The following KCNN3 variants were observed in gnomAD, a reference collection of about 807,000 sequenced individuals.
KCNN3 encodes the protein potassium calcium-activated channel subfamily N member 3, also known as small conductance calcium-activated potassium channel protein 3.
In KCNN3, 16 loss-of-function variants were observed where a neutral mutation model predicts 62.9. The ratio of observed to expected loss-of-function variants is 0.25; its 90% CI spans 0.17 to 0.39. The LOEUF (loss-of-function observed/expected upper bound fraction) is 0.39, where lower values mean the gene tolerates loss of function less well. Ranked by LOEUF, KCNN3 falls within the 10% of genes least tolerant of loss-of-function variation. The probability of loss-of-function intolerance (pLI) is 1.00; values close to 1 mark genes in which losing one functional copy is unlikely to be tolerated. For synonymous variants in KCNN3, 370 were observed against 389.2 expected, an observed-to-expected ratio of 0.95 and a Z score of 0.58; for missense variants, 599 against 949.4, an observed-to-expected ratio of 0.63 and a Z score of 4.85.
intron 3 of KCNN3, among the ~76,000 whole-genome samples, chr1:154,759,138 A>G (rs1647883603): frequency 6.6e-6 from 1 of 152,186 alleles, no homozygotes; most frequent in African/African-American, 2.4e-5. Context: ...AAACCCTTCT[A>G]GCAGCTGCGC....
intron 2 of KCNN3, among the ~76,000 whole-genome samples, chr1:154,777,647 TC>T (rs1232632090): frequency 6.6e-6 from 1 of 152,196 alleles, no homozygotes; most frequent in Non-Finnish European, 1.5e-5. Context: ...CCAGAGGGGC[TC>T]GGGGAGTGTG....
In KCNN3 at chr1:154,772,073, G is replaced by A. The variant is rs1557967961; in HGVS notation, c.1350C>T (p.Val450=). 6.2e-7 allele frequency: 1 copy of A among 1,614,180 alleles called. No homozygotes were observed. Among genetic ancestry groups the A allele is most frequent in the Non-Finnish European group, 8.5e-7 (1 of 1,180,032 alleles). ...LNKINFNTRF[V]MKTLMTICPG... The stretch of plus-strand genomic sequence containing the variant: ...GGCAGATGGTCATGAGCGTCTTCAT[G>A]ACAAAGCGGGTGTTGAAGTTGATCT... Residue 450 remains valine (V), a synonymous_variant, in exon 3 of 8, where the codon GTC becomes GTT. Transcript: ENST00000271915. This position sits in a 1 kb window ranked among gnomAD's most constrained non-coding sequence, Gnocchi z 5.6.
At chr1:154,822,358 T>C (rs762068109) in intron 1 of KCNN3, among the ~76,000 whole-genome samples, 174 bp from the exon 2 acceptor site, 1 of 152,220 alleles carries the variant, frequency 6.6e-6, no homozygotes, top group Non-Finnish European at 1.5e-5. Context: ...CCTTGGGCTG[T>C]GCCCGGGCCG....
rs1212882121 is a variant in KCNN3, at chr1:154,732,995, G to A, written c.1590+8C>T. The A allele has an allele frequency of 1.2e-6, 2 of 1,613,848 alleles. No homozygotes were observed. The highest frequency in any genetic ancestry group is 2.7e-5 in the African/African-American group (2 of 74,908). On this transcript the variant is annotated splice_region_variant and intron_variant, in intron 4 of 7. Transcript: ENST00000271915. ...AAGGGTAGGGAATGGGGAGAGGCGG[G>A]TACTCACCATGATGCCAGTGAGGAG...
intron 3 of KCNN3, among the ~76,000 whole-genome samples, chr1:154,747,814 G>A (rs904994336): frequency 1.3e-5 from 2 of 152,234 alleles, no homozygotes; most frequent in African/African-American, 2.4e-5. Flanking sequence ...GTGCACTGCC[G>A]CATCTTATGA....
chr1:154,766,934 G>C (rs1369859442), intron 3 of KCNN3, among the ~76,000 whole-genome samples: 2 of 152,056 alleles, frequency 1.3e-5, no homozygotes, highest in Non-Finnish European at 2.9e-5. Flanking sequence ...GCCCGCCTCG[G>C]CCTCCCAAAG....
intron 3 of KCNN3, among the ~76,000 whole-genome samples, chr1:154,767,521 G>T (rs1054838998): frequency 2.0e-5 from 3 of 152,220 alleles, no homozygotes; most frequent in African/African-American, 7.2e-5. Context: ...ACATACAAAG[G>T]TGAGCTGGCA....
chr1:154,859,602 T>C, intron 1 of KCNN3: 1 of 1,271,120 alleles, frequency 7.9e-7, no homozygotes, highest in Non-Finnish European at 1.2e-6. Context: ...TCAAAGCCAC[T>C]GACAGGTCAG....
At chr1:154,853,822 C>T (rs1571340710) in intron 1 of KCNN3, among the ~76,000 whole-genome samples, 3 of 152,210 alleles carry the variant, frequency 2.0e-5, no homozygotes. Context: ...TATGTGCCTG[C>T]AATCCCAGCT....
intron 2 of KCNN3, among the ~76,000 whole-genome samples, chr1:154,779,241 TGCA>T (rs1310226385): frequency 3.9e-5 from 6 of 152,328 alleles, no homozygotes; most frequent in Admixed American, 3.9e-4. Flanking sequence ...TGCTTTGTTA[TGCA>T]ACAAAACTAA....
intron 2 of KCNN3, among the ~76,000 whole-genome samples, chr1:154,775,108 C>G (rs1289560989): frequency 2.0e-5 from 3 of 152,234 alleles, no homozygotes; most frequent in Admixed American, 1.3e-4. Flanking sequence ...TCTGTCCACC[C>G]AACTGTCTCC....
intron 1 of KCNN3, among the ~76,000 whole-genome samples, chr1:154,846,749 G>GACAAAGGCCGGGCCGAGGA (rs1652077925): frequency 6.6e-6 from 1 of 152,146 alleles, no homozygotes; most frequent in African/African-American, 2.4e-5. Context: ...TCCACTTCTC[G>GACAAAGGCCGGGCCGAGGA]CTGTACTCCA....
Position 154,807,648 on chromosome 1 carries a change from G to C in KCNN3, c.1029+14441C>G, listed in dbSNP as rs148786831. Among the ~76,000 whole-genome samples the C allele has an allele frequency of 2.5e-4, 38 of 152,298 alleles. 1 individual carries two copies. Among genetic ancestry groups the C allele is most frequent in the African/African-American group, 8.7e-4 (36 of 41,548 alleles). ...AGAGTGTATTTTTAGGCATAGGCTT[G>C]ATTTGTGAACAATAAGGGAAGAGCA... On this transcript the variant is annotated intron_variant, in intron 2 of 7. Coordinates refer to ENST00000271915, the MANE Select transcript of KCNN3 (RefSeq NM_002249.6).
chr1:154,761,397 G>A (rs1648005597), intron 3 of KCNN3, among the ~76,000 whole-genome samples: 1 of 152,104 alleles, frequency 6.6e-6, no homozygotes, highest in African/African-American at 2.4e-5. Flanking sequence ...GAACCCAGGA[G>A]GCAGAGGTTG....
chr1:154,766,552 TG>T (rs1308176924), intron 3 of KCNN3, among the ~76,000 whole-genome samples: 1 of 149,588 alleles, frequency 6.7e-6, no homozygotes, highest in Admixed American at 6.6e-5. Flanking sequence ...CCACAGTGCC[TG>T]GCCCCACTGT....
intron 1 of KCNN3, chr1:154,868,370 T>G: frequency 1.1e-5 from 11 of 988,410 alleles, no homozygotes; most frequent in Non-Finnish European, 1.3e-5. Context: ...TTTTACCCCA[T>G]GCCCTCAGGA....
intron 6 of KCNN3, among the ~76,000 whole-genome samples, chr1:154,714,438 GGGGTGT>G (rs2101765101): frequency 2.8e-5 from 1 of 36,040 alleles, no homozygotes; most frequent in Non-Finnish European, 6.0e-5. Context: ...TGGTGTGTGG[GGGGTGT>G]GTGTGTGGTG....
chr1:154,743,397 AAAGCCG>A (rs1276187495), intron 3 of KCNN3, among the ~76,000 whole-genome samples: 1 of 152,104 alleles, frequency 6.6e-6, no homozygotes, highest in Admixed American at 6.5e-5. Context: ...CCTCAGAAAA[AAAGCCG>A]AAGTCCCCTG....
Position 154,869,232 on chromosome 1 carries a change from G to A in KCNN3, c.733C>T (p.His245Tyr), listed in dbSNP as rs1329183587. The change falls in exon 1 of 8, where the codon CAT (histidine) becomes TAT (tyrosine). Residue 245 changes from histidine (H) to tyrosine (Y), a missense_variant. By Grantham distance (83) the His-to-Tyr change is moderately conservative. Transcript: ENST00000271915. The surrounding 1 kb of genome is among the most constrained non-coding windows in gnomAD (Gnocchi z 6.1). Reference sequence around the variant, plus strand: ...GTGCTGCTGGCGGTGGTGCCGGCATGCTGGTGGTTGTGGGTGGCATTAGGG... The same window carrying A: ...GTGCTGCTGGCGGTGGTGCCGGCATACTGGTGGTTGTGGGTGGCATTAGGG... The part of the protein sequence containing the change: ...HHPNATHNHQ[H>Y]AGTTASSTTF... The A allele has an allele frequency of 1.7e-5, 27 of 1,613,322 alleles. No individual in the cohort carries two copies. Among genetic ancestry groups the A allele is most frequent in the East Asian group, 2.2e-5 (1 of 44,788 alleles).
Sources: gnomAD v4.1 joint callset for allele counts (sites outside exome capture counted in the v4.1 genomes callset) on GRCh38, gnomAD v4.1.1 for gene constraint, Gnocchi (gnomAD v3.1) non-coding constraint, MANE v1.5 for transcripts, NCBI Gene and HGNC (gene_info 2026-07-23, HGNC 2026-07-21) for gene names.